The following ACSL5 variants were observed in gnomAD, a reference collection of about 807,000 sequenced individuals.
ACSL5 encodes long-chain-fatty-acid--CoA ligase 5.
ACSL5 carries 50 observed loss-of-function variants against 84.9 expected under a neutral mutation model. The ratio of observed to expected loss-of-function variants is 0.59; its 90% CI spans 0.47 to 0.75. ACSL5 has a LOEUF of 0.75. ACSL5 is among the 30% of genes least tolerant of loss of function. The probability of loss-of-function intolerance (pLI) is 0.00; values close to 1 mark genes in which losing one functional copy is unlikely to be tolerated. For missense variants in ACSL5, 775 were observed against 830.4 expected (o/e 0.93, Z 0.82); for synonymous variants, 280 against 300.7 (o/e 0.93, Z 0.71).
intron 12 of ACSL5, among the ~76,000 whole-genome samples, chr10:112,415,704 AC>A (rs1323842072): frequency 6.6e-6 from 1 of 152,182 alleles, no homozygotes; most frequent in Non-Finnish European, 1.5e-5. Context: ...GAAAATTATC[AC>A]CCCTGCTTGG....
chr10:112,427,136 T>G (rs1423928292), intron 20 of ACSL5, 82 bp from the exon 21 acceptor site: 2 of 1,433,908 alleles, frequency 1.4e-6, no homozygotes, highest in African/African-American at 2.9e-5. Flanking sequence ...TCAACCTCAC[T>G]TTCTTCACAG....
chr10:112,409,695 T>C lies in ACSL5; in HGVS notation c.711+10T>C. On this transcript the variant is annotated intron_variant, in intron 7 of 20. Transcript: ENST00000354655. ...CCTATATGATGCTGAGGTATGGATC[T>C]GAAATTTAGCTTGCAGCTCCAATGC... 6.2e-7 allele frequency: 1 copy of C among 1,612,200 alleles called. No individual in the cohort carries two copies. Among genetic ancestry groups the C allele is most frequent in the Non-Finnish European group, 8.5e-7 (1 of 1,178,538 alleles).
chr10:112,384,397 A>C (rs1367650862), intron 1 of ACSL5, among the ~76,000 whole-genome samples: 1 of 152,256 alleles, frequency 6.6e-6, no homozygotes, highest in African/African-American at 2.4e-5. Flanking sequence ...TATACAGCCA[A>C]GCCCTTCAAT....
At chr10:112,395,185 G>A in intron 2 of ACSL5, 83 bp downstream of exon 2, 1 of 1,359,394 alleles carries the variant, frequency 7.4e-7, no homozygotes, top group Non-Finnish European at 1.0e-6. Context: ...GCTCATGAAG[G>A]GGATTGGGTG....
At chr10:112,378,713 G>C (rs1379187567) in intron 1 of ACSL5, among the ~76,000 whole-genome samples, 1 of 152,142 alleles carries the variant, frequency 6.6e-6, no homozygotes, top group Non-Finnish European at 1.5e-5. Context: ...GCAGCCATGA[G>C]TCCAGCCATC....
At chr10:112,410,120 C>T (rs993980415) in intron 7 of ACSL5, 1 of 806,108 alleles carries the variant, frequency 1.2e-6, no homozygotes. Context: ...GTAGATTTCT[C>T]AGGACAGTGA....
rs1031991383 is a variant in ACSL5, at chr10:112,411,342, G to A, written c.797-114G>A. ...CCATCCACAAAAAGACACAGTGACA[G>A]GAAATGCTCTTGGCCTTCTGGAATA... is the stretch of plus-strand genomic sequence containing the variant. On this transcript the variant is annotated intron_variant, in intron 9 of 20. Coordinates refer to ENST00000354655, the MANE Select transcript of ACSL5 (RefSeq NM_203379.2). 10 of 834,806 alleles carry A rather than the reference G, an allele frequency of 1.2e-5. No individual in the cohort carries two copies. In the East Asian group the frequency reaches 1.7e-4, roughly 14 times the overall value. The allele number at this position is 834,806 out of a possible 1,614,324, so 51.7% of individuals were successfully genotyped here.
At chr10:112,390,998 A>G (rs1465884227) in intron 1 of ACSL5, among the ~76,000 whole-genome samples, 2 of 152,238 alleles carry the variant, frequency 1.3e-5, no homozygotes, top group African/African-American at 4.8e-5. Flanking sequence ...TGGTTGCACA[A>G]CATTGTGAAT....
chr10:112,422,005 G>A lies in ACSL5; in HGVS notation c.1446G>A (p.Met482Ile), dbSNP rs1330158577. Residue 482 changes from methionine (M) to isoleucine (I), a missense_variant, in exon 16 of 21, where the codon ATG becomes ATA. Coordinates refer to ENST00000354655, the MANE Select transcript of ACSL5 (RefSeq NM_203379.2). ...NYVKLEDVAD[M>I]NYFTVNNEGE... ...TGAAGCTGGAAGATGTGGCTGACAT[G>A]AACTACTTTACAGTGAATAATGAAG... 1 of 1,614,224 alleles carries A rather than the reference G, an allele frequency of 6.2e-7. No homozygotes were observed. The highest frequency in any genetic ancestry group is 1.7e-5 in the Admixed American group (1 of 60,024).
chr10:112,415,624 C>T (rs1477860324), intron 12 of ACSL5, among the ~76,000 whole-genome samples: 2 of 152,120 alleles, frequency 1.3e-5, no homozygotes, highest in Non-Finnish European at 2.9e-5. Context: ...TTATGACATA[C>T]TGGTACAATG....
chr10:112,426,875 G>A lies in ACSL5; in HGVS notation c.1911+16G>A, dbSNP rs141799855. 10 of 1,578,890 alleles carry A rather than the reference G, an allele frequency of 6.3e-6. No homozygotes were observed. Among genetic ancestry groups the A allele is most frequent in the Non-Finnish European group, 7.8e-6 (9 of 1,148,334 alleles). On this transcript the variant is annotated intron_variant, in intron 20 of 20. Transcript: ENST00000354655. The stretch of plus-strand genomic sequence containing the variant: ...TTTTGAACAGGTGTGTGCTACCACT[G>A]ATGTTATACTGGCCTCTTGTCAGAA...
chr10:112,413,154 A>C lies in ACSL5; in HGVS notation c.949-19A>C. 1 of 1,613,214 alleles carries C rather than the reference A, an allele frequency of 6.2e-7. No individual in the cohort carries two copies. Among genetic ancestry groups the C allele is most frequent in the African/African-American group, 1.3e-5 (1 of 74,936 alleles). The stretch of plus-strand genomic sequence containing the variant: ...GGGGTTGTTTGCCTCTAAGCTCTAT[A>C]ATTTGGTTTTGTTTTCAGGCTGTTG... On this transcript the variant is annotated intron_variant, in intron 11 of 20. Transcript: ENST00000354655.
intron 1 of ACSL5, among the ~76,000 whole-genome samples, chr10:112,383,315 T>C (rs1021774670): frequency 3.9e-5 from 6 of 152,060 alleles, no homozygotes; most frequent in African/African-American, 9.7e-5. Flanking sequence ...AAAATAAATA[T>C]ATAAATAAAT....
chr10:112,388,315 C>A (rs77511294), intron 1 of ACSL5, among the ~76,000 whole-genome samples: 1,969 of 152,252 alleles, frequency 0.013, 34 homozygotes, highest in African/African-American at 0.045. Flanking sequence ...CTCTTCTAAG[C>A]CTGGAGGAGT....
intron 1 of ACSL5, among the ~76,000 whole-genome samples, chr10:112,391,754 T>C (rs1843647669): frequency 1.3e-5 from 2 of 152,156 alleles, no homozygotes; most frequent in South Asian, 4.1e-4. Flanking sequence ...TTAGTTAAAA[T>C]TGAGGTTTCA....
At chr10:112,378,090 G>A (rs977915125) in intron 1 of ACSL5, among the ~76,000 whole-genome samples, 1 of 152,054 alleles carries the variant, frequency 6.6e-6, no homozygotes, top group Non-Finnish European at 1.5e-5. Context: ...CACCTATAGT[G>A]AGACCACAGA....
In ACSL5 at chr10:112,411,392, CA is replaced by C; in HGVS notation, c.797-62del. 6 of 1,394,814 alleles carry C rather than the reference CA, an allele frequency of 4.3e-6. No individual in the cohort carries two copies. The South Asian group carries it at 7.2e-5, about 17-fold the overall frequency. The allele number at this position is 1,394,814 out of a possible 1,614,324, so 86.4% of individuals were successfully genotyped here. A position where few individuals can be genotyped will look rare whatever the true frequency, so the allele number is the denominator to read the frequency against. ...AAAACCAATTGAATCTAGTTTCTTTCAAGGCCAAAGGCTACCTATTAGCTAC... is the reference window on the plus strand; with the variant it reads ...AAAACCAATTGAATCTAGTTTCTTTCAGGCCAAAGGCTACCTATTAGCTAC... On this transcript the variant is annotated intron_variant, in intron 9 of 20. Coordinates refer to ENST00000354655, the MANE Select transcript of ACSL5 (RefSeq NM_203379.2).
intron 12 of ACSL5, 122 bp from the exon 13 acceptor site, chr10:112,416,766 C>A: frequency 9.2e-7 from 1 of 1,092,314 alleles, no homozygotes; most frequent in Non-Finnish European, 1.3e-6. Context: ...CAATCCAATT[C>A]ATGACTGTGA....
intron 6 of ACSL5, 112 bp downstream of exon 6, chr10:112,408,633 T>C (rs1451746063): frequency 5.2e-6 from 4 of 776,656 alleles, no homozygotes; most frequent in Admixed American, 4.1e-5. Context: ...TGAAATGCTG[T>C]GGTCGGAAAA....
Sources: gnomAD v4.1 joint callset for allele counts (sites outside exome capture counted in the v4.1 genomes callset) on GRCh38, gnomAD v4.1.1 for gene constraint, MANE v1.5 for transcripts, NCBI Gene and HGNC (gene_info 2026-07-23, HGNC 2026-07-21) for gene names.